The following ARHGAP10 variants were observed in gnomAD, a reference collection of about 807,000 sequenced individuals.
ARHGAP10 encodes the protein rho GTPase-activating protein 10.
Under a neutral mutation model 108.6 loss-of-function variants are expected in ARHGAP10, and 87 were observed. The observed-to-expected ratio is 0.80, with a 90% confidence interval of 0.67 to 0.96. ARHGAP10 has a LOEUF of 0.96. ARHGAP10 is among the 40% of genes least tolerant of loss of function. The pLI is 0.00. For synonymous variants in ARHGAP10, 347 were observed against 341.1 expected, an observed-to-expected ratio of 1.02 and a Z score of -0.19; for missense variants, 939 against 954.5, an observed-to-expected ratio of 0.98 and a Z score of 0.21.
intron 6 of ARHGAP10, 60 bp downstream of exon 6, chr4:147,865,016 T>G: frequency 1.4e-6 from 2 of 1,419,894 alleles, no homozygotes; most frequent in Admixed American, 1.8e-5. Context: ...GTATTTATTT[T>G]CCTAGATCTG....
rs192276699 is a variant in ARHGAP10, at chr4:148,043,125, A to T, written c.1868-3767A>T. On this transcript the variant is annotated intron_variant, in intron 19 of 22. Coordinates refer to ENST00000336498, the MANE Select transcript of ARHGAP10 (RefSeq NM_024605.4). ...CCAGTATATGATGGCGAAATGCAAA[A>T]TTGATGGCTGCAGACAGCTCTGAGA... Among the ~76,000 whole-genome samples, 402 of 152,334 alleles carry T rather than the reference A, an allele frequency of 2.6e-3. 3 individuals are homozygous for T. Among genetic ancestry groups the T allele is most frequent in the Admixed American group, 4.7e-3 (72 of 15,310 alleles).
At chr4:148,060,938 T>C (rs1729591978) in intron 20 of ARHGAP10, among the ~76,000 whole-genome samples, 1 of 152,188 alleles carries the variant, frequency 6.6e-6, no homozygotes, top group South Asian at 2.1e-4. Context: ...TCTGTGTTCC[T>C]GTTTTGGGAT....
intron 1 of ARHGAP10, among the ~76,000 whole-genome samples, chr4:147,741,419 A>G (rs1728651935): frequency 1.3e-5 from 2 of 152,200 alleles, no homozygotes; most frequent in African/African-American, 4.8e-5. Context: ...AAAAATCTTT[A>G]AAAGCCATTT....
chr4:147,743,060 G>A (rs1728755497), intron 1 of ARHGAP10, among the ~76,000 whole-genome samples: 1 of 148,802 alleles, frequency 6.7e-6, no homozygotes. Flanking sequence ...TTTGGAGACA[G>A]TCTCACTCTG....
intron 18 of ARHGAP10, among the ~76,000 whole-genome samples, chr4:148,010,664 A>C (rs1346414230): frequency 6.6e-6 from 1 of 152,214 alleles, no homozygotes; most frequent in Non-Finnish European, 1.5e-5. Context: ...AGGAAATTTG[A>C]CATGGTCACA....
intron 1 of ARHGAP10, among the ~76,000 whole-genome samples, chr4:147,820,791 A>T (rs887666341): frequency 3.3e-5 from 5 of 151,914 alleles, no homozygotes; most frequent in Admixed American, 6.6e-5. Flanking sequence ...GGGTTTCACC[A>T]TGTTGGCTGG....
At chr4:147,944,929 G>T (rs1738313522) in intron 14 of ARHGAP10, among the ~76,000 whole-genome samples, 1 of 152,076 alleles carries the variant, frequency 6.6e-6, no homozygotes, top group African/African-American at 2.4e-5. Flanking sequence ...AACCTGCTAC[G>T]TTTAATTATT....
rs1164250946 is a variant in ARHGAP10 at position 147,856,635 on chromosome 4, C to T, written c.385-918C>T. Among the ~76,000 whole-genome samples, 5 of 152,258 alleles carry T rather than the reference C, an allele frequency of 3.3e-5. No homozygotes were observed. In the East Asian group the frequency reaches 7.7e-4, roughly 24 times the overall value. On this transcript the variant is annotated intron_variant, in intron 4 of 22. Transcript: ENST00000336498. ...GTATACAAAACAGAAATGAATTTCA[C>T]GTTTAGACTTAGGCCCCATACCCAA...
chr4:148,047,632 G>A (rs760624460), intron 20 of ARHGAP10, among the ~76,000 whole-genome samples: 3 of 152,168 alleles, frequency 2.0e-5, no homozygotes, highest in Non-Finnish European at 2.9e-5. Context: ...AACCTGTGAG[G>A]GCTTGTCTGG....
At chr4:147,857,468 AT>A (rs1734139682) in intron 4 of ARHGAP10, 84 bp from the exon 5 acceptor site, 1 of 1,240,558 alleles carries the variant, frequency 8.1e-7, no homozygotes. Context: ...ATTTTCAGAT[AT>A]TTTTCATAAT....
At chr4:147,878,770 T>C (rs146879762) in intron 8 of ARHGAP10, among the ~76,000 whole-genome samples, 2,447 of 146,794 alleles carry the variant, frequency 0.017, 36 homozygotes, top group Admixed American at 0.026. Context: ...TTTTCCTTCT[T>C]CCTCTTTTTT....
At chr4:147,936,439 C>T (rs1010357887) in intron 13 of ARHGAP10, among the ~76,000 whole-genome samples, 2 of 150,966 alleles carry the variant, frequency 1.3e-5, no homozygotes, top group Admixed American at 6.6e-5. Context: ...CGCCATTCTC[C>T]TGCCTCAGCC....
At position 147,732,332 on chromosome 4, in the gene ARHGAP10, T is replaced by TGCTA. The variant is rs1728246592; in HGVS notation, c.32_35dup (p.Tyr12Ter). 1 of 1,612,658 alleles carries TGCTA rather than the reference T, an allele frequency of 6.2e-7. No individual in the cohort carries two copies. Among genetic ancestry groups the TGCTA allele is most frequent in the Non-Finnish European group, 8.5e-7 (1 of 1,179,290 alleles). The stretch of plus-strand genomic sequence containing the variant: ...GCTGCAGCCCCTGGAGTTCAGCGAC[T>TGCTA]GCTACCTCGACAGCCCGTGGTTCCG... On this transcript the variant is annotated stop_gained and frameshift_variant, in exon 1 of 23. Coordinates refer to ENST00000336498, the MANE Select transcript of ARHGAP10 (RefSeq NM_024605.4). LOFTEE classifies it high-confidence loss of function.
At chr4:147,888,512 T>C (rs1735663282) in intron 10 of ARHGAP10, among the ~76,000 whole-genome samples, 1 of 152,240 alleles carries the variant, frequency 6.6e-6, no homozygotes, top group Admixed American at 6.5e-5. Flanking sequence ...ATGTAAATCT[T>C]TATTTTTTCT....
At chr4:148,063,373 C>A in intron 21 of ARHGAP10, 73 bp downstream of exon 21, 1 of 1,570,510 alleles carries the variant, frequency 6.4e-7, no homozygotes, top group Admixed American at 1.8e-5. Context: ...TGAGCAGGTT[C>A]TTGTGTTCTC....
chr4:147,750,333 T>TGG (rs992487886), intron 1 of ARHGAP10, among the ~76,000 whole-genome samples: 3 of 152,198 alleles, frequency 2.0e-5, no homozygotes, highest in African/African-American at 7.2e-5. Flanking sequence ...TTTCTGACTG[T>TGG]GGCGTCAGTT....
intron 12 of ARHGAP10, among the ~76,000 whole-genome samples, chr4:147,912,610 G>T (rs1291265229): frequency 9.0e-6 from 1 of 111,528 alleles, no homozygotes. Context: ...AAATTCCTGT[G>T]TATATTATTT....
Position 147,970,781 on chromosome 4 carries a change from T to C in ARHGAP10, c.1716+3942T>C, listed in dbSNP as rs552076795. On this transcript the variant is annotated intron_variant, in intron 18 of 22. Coordinates refer to ENST00000336498, the MANE Select transcript of ARHGAP10 (RefSeq NM_024605.4). Reference sequence around the variant, plus strand: ...GGAAACTTAATCCATATGTTTTAGCTTTATTTACACATAATAAAGATGTAG... The same window carrying C: ...GGAAACTTAATCCATATGTTTTAGCCTTATTTACACATAATAAAGATGTAG... Among the ~76,000 whole-genome samples, 19 of 152,334 alleles carry C rather than the reference T, an allele frequency of 1.2e-4. 1 individual carries two copies. The highest frequency in any genetic ancestry group is 4.6e-4 in the African/African-American group (19 of 41,578).
At chr4:147,908,163 A>T (rs1034851979) in intron 11 of ARHGAP10, among the ~76,000 whole-genome samples, 1 of 152,016 alleles carries the variant, frequency 6.6e-6, no homozygotes, top group Non-Finnish European at 1.5e-5. Flanking sequence ...TTTATTCTTA[A>T]TTTGTTGTTG....
Sources: gnomAD v4.1 joint callset for allele counts (sites outside exome capture counted in the v4.1 genomes callset) on GRCh38, gnomAD v4.1.1 for gene constraint, MANE v1.5 for transcripts, NCBI Gene and HGNC (gene_info 2026-07-23, HGNC 2026-07-21) for gene names.